ZYX: variants seen among roughly 807,000 people sequenced by gnomAD.
ZYX encodes the protein zyxin-2.
In ZYX, 37 loss-of-function variants were observed where a neutral mutation model predicts 58.1. That is an observed-to-expected ratio of 0.64 (90% CI 0.49 to 0.84). The LOEUF (loss-of-function observed/expected upper bound fraction) is 0.84, where lower values mean the gene tolerates loss of function less well. ZYX is among the 40% of genes least tolerant of loss of function. The pLI is 0.00. For synonymous variants in ZYX, 324 were observed against 321.1 expected (o/e 1.01, Z -0.10); for missense variants, 762 against 761.6 (o/e 1.00, Z -0.01).
In ZYX at chr7:143,382,971, T is replaced by TCAGCCC. The variant is rs754385562; in HGVS notation, c.685_690dup (p.Gln229_Pro230dup). 2.4e-5 allele frequency: 39 copies of TCAGCCC among 1,613,596 alleles called. No individual in the cohort carries two copies. Among genetic ancestry groups the TCAGCCC allele is most frequent in the Middle Eastern group, 3.3e-4 (2 of 6,058 alleles). On this transcript the variant is annotated inframe_insertion, in exon 5 of 10. Transcript: ENST00000322764. ...CTCAGAGCCAGACACAGTTCCATGT[T>TCAGCCC]CAGCCCCAGCCCCAGCCCAAGCCTC...
chr7:143,383,527 G>C (rs1453816482), intron 5 of ZYX, among the ~76,000 whole-genome samples: 1 of 152,178 alleles, frequency 6.6e-6, no homozygotes, highest in Non-Finnish European at 1.5e-5. Flanking sequence ...GCCTGGCTGG[G>C]TGTGGGGCTG....
rs748402739 is a variant in ZYX, at chr7:143,381,561, C to T, written c.-11C>T. 4.4e-6 allele frequency: 7 copies of T among 1,608,298 alleles called. No homozygotes were observed. The highest frequency in any genetic ancestry group is 5.9e-6 in the Non-Finnish European group (7 of 1,177,864). On this transcript the variant is annotated 5_prime_UTR_variant, in exon 2 of 10. Transcript: ENST00000322764. ...TAACCCGGCGACCCACCCCAGCAGC[C>T]CGGCCCGGCCATGGCGGCCCCCCGC...
chr7:143,382,159 T>C, intron 2 of ZYX, 89 bp from the exon 3 acceptor site: 2 of 1,125,848 alleles, frequency 1.8e-6, no homozygotes, highest in Non-Finnish European at 2.5e-6. Context: ...GAGAGAGTTC[T>C]TGGGTTAGGG....
Position 143,381,576 on chromosome 7 carries a change from C to A in ZYX, c.5C>A (p.Ala2Glu), listed in dbSNP as rs775544608. The change falls in exon 2 of 10, where the codon GCG (alanine) becomes GAG (glutamate). Residue 2 changes from alanine (A) to glutamate (E), a missense_variant. Coordinates refer to ENST00000322764, the MANE Select transcript of ZYX (RefSeq NM_003461.5). Reference sequence around the variant, plus strand: ...CCCCAGCAGCCCGGCCCGGCCATGGCGGCCCCCCGCCCGTCTCCCGCGATC... The same window carrying A: ...CCCCAGCAGCCCGGCCCGGCCATGGAGGCCCCCCGCCCGTCTCCCGCGATC... M[A>E]APRPSPAISV... is the part of the protein sequence containing the mutation. 27 of 1,609,614 alleles carry A rather than the reference C, an allele frequency of 1.7e-5. No homozygotes were observed. Among genetic ancestry groups the A allele is most frequent in the Non-Finnish European group, 2.1e-5 (25 of 1,178,462 alleles).
rs1586573491 is a variant in ZYX, at chr7:143,390,257, G to T, written c.1614+280G>T. On this transcript the variant is annotated intron_variant, in intron 9 of 9. Coordinates refer to ENST00000322764, the MANE Select transcript of ZYX (RefSeq NM_003461.5). This position sits in a 1 kb window ranked among gnomAD's most constrained non-coding sequence, Gnocchi z 4.3. ...GGGCATGGTGTTTTACCGTGGTAGG[G>T]GATGGGGAAACAGGAGCTGAGAGAA... 5.5e-6 allele frequency: 3 copies of T among 545,010 alleles called. No homozygotes were observed. The East Asian group carries it at 9.6e-5, about 17-fold the overall frequency. 33.8% of individuals were successfully genotyped at this position (545,010 alleles called of 1,614,324 possible).
rs1586563502 is a variant in ZYX, at chr7:143,383,210, C to T, written c.911C>T (p.Ala304Val). 5 of 1,614,174 alleles carry T rather than the reference C, an allele frequency of 3.1e-6. No homozygotes were observed. The highest frequency in any genetic ancestry group is 4.2e-6 in the Non-Finnish European group (5 of 1,180,040). ...QKLGHPEALS[A>V]GTGSPQPPSF... Reference sequence around the variant, plus strand: ...TTGGGGCACCCCGAAGCTCTTTCTGCTGGCACAGGCTCCCCTCAACCTCCC... The same window carrying T: ...TTGGGGCACCCCGAAGCTCTTTCTGTTGGCACAGGCTCCCCTCAACCTCCC... The change falls in exon 5 of 10, where the codon GCT (alanine) becomes GTT (valine). Residue 304 changes from alanine (A) to valine (V), a missense_variant. By Grantham distance (64) the Ala-to-Val change is moderately conservative. Transcript: ENST00000322764.
In ZYX at chr7:143,391,087, TA is replaced by T. The variant is rs5888100; in HGVS notation, c.*414del. On this transcript the variant is annotated 3_prime_UTR_variant, in exon 10 of 10. Coordinates refer to ENST00000322764, the MANE Select transcript of ZYX (RefSeq NM_003461.5). ...GCCAAGTTGTAGCTATAGCTACAAA[TA>T]AAAAAAAACCTTGTTTTCCAGAATT... 2.6e-4 allele frequency: 80 copies of T among 307,188 alleles called. No individual in the cohort carries two copies. The highest frequency in any genetic ancestry group is 4.9e-4 in the East Asian group (7 of 14,254). 19.0% of individuals were successfully genotyped at this position (307,188 alleles called of 1,614,324 possible).
At position 143,382,938 on chromosome 7, in the gene ZYX, G is replaced by C. The variant is rs543840726; in HGVS notation, c.639G>C (p.Pro213=). 1.2e-6 allele frequency: 2 copies of C among 1,613,998 alleles called. No individual in the cohort carries two copies. Among genetic ancestry groups the C allele is most frequent in the South Asian group, 1.1e-5 (1 of 91,054 alleles). Residue 213 remains proline, a synonymous_variant, in exon 5 of 10, where the codon CCG becomes CCC. Transcript: ENST00000322764. ...PSSSQPLPQV[P]APAQSQTQFH... ...GCTCCCAGCCTCTGCCCCAGGTTCC[G>C]GCTCCGGCTCAGAGCCAGACACAGT...
At position 143,388,349 on chromosome 7, in the gene ZYX, C is replaced by T. The variant is rs1271020375; in HGVS notation, c.1144+10C>T. On this transcript the variant is annotated intron_variant, in intron 6 of 9. Transcript: ENST00000322764. The surrounding 1 kb of genome is among the most constrained non-coding windows in gnomAD (Gnocchi z 7.5). The stretch of plus-strand genomic sequence containing the variant: ...AATGTGGCTGTCAACGGTGAGCCCA[C>T]CCCACCGGGACACCCCCACCCTGCC... 7 of 1,613,458 alleles carry T rather than the reference C, an allele frequency of 4.3e-6. No individual in the cohort carries two copies. The highest frequency in any genetic ancestry group is 5.9e-6 in the Non-Finnish European group (7 of 1,179,704).
intron 1 of ZYX, 22 bp downstream of exon 1, chr7:143,381,431 G>C: frequency 7.9e-7 from 1 of 1,267,816 alleles, no homozygotes; most frequent in Admixed American, 4.3e-5. Flanking sequence ...GGAGCGGCAG[G>C]GCGGCCCCAC....
chr7:143,382,701 G>A lies in ZYX; in HGVS notation c.501+16G>A. The A allele has an allele frequency of 1.9e-6, 3 of 1,614,116 alleles. No individual in the cohort carries two copies. The highest frequency in any genetic ancestry group is 2.5e-6 in the Non-Finnish European group (3 of 1,179,992). ...CAAAGCCCGGGTAAGGGACCGGAGA[G>A]TAGGAAAAGCAGGGCTCAGGGCCAG... On this transcript the variant is annotated intron_variant, in intron 4 of 9. Transcript: ENST00000322764.
chr7:143,384,083 C>T lies in ZYX; in HGVS notation c.1023+761C>T, dbSNP rs1331821696. On this transcript the variant is annotated intron_variant, in intron 5 of 9. Transcript: ENST00000322764. This position sits in a 1 kb window ranked among gnomAD's most constrained non-coding sequence, Gnocchi z 4.9. The stretch of plus-strand genomic sequence containing the variant: ...GCTGTAATTACAAAATGGTTCTTGC[C>T]TTCTAGTTCAGGAAATAAGATCGTC... 4.6e-6 allele frequency: 2 copies of T among 438,144 alleles called. No homozygotes were observed. The highest frequency in any genetic ancestry group is 4.1e-5 in the African/African-American group (2 of 48,732). The allele number at this position is 438,144 out of a possible 1,614,324, so 27.1% of individuals were successfully genotyped here.
At chr7:143,382,119 C>T (rs1804629696) in intron 2 of ZYX, 129 bp from the exon 3 acceptor site, 1 of 820,972 alleles carries the variant, frequency 1.2e-6, no homozygotes, top group Non-Finnish European at 1.9e-6. Flanking sequence ...TGCGCCCCTC[C>T]TTTGCTTCCC....
chr7:143,390,678 C>A lies in ZYX; in HGVS notation c.1715C>A (p.Thr572Asn), dbSNP rs1207617275. 1 of 1,575,974 alleles carries A rather than the reference C, an allele frequency of 6.3e-7. No individual in the cohort carries two copies. The highest frequency in any genetic ancestry group is 1.2e-5 in the South Asian group (1 of 85,808). Residue 572 changes from threonine to asparagine, a missense_variant, in exon 10 of 10, where the codon ACC (threonine) becomes AAC (asparagine). Coordinates refer to ENST00000322764, the MANE Select transcript of ZYX (RefSeq NM_003461.5). This position sits in a 1 kb window ranked among gnomAD's most constrained non-coding sequence, Gnocchi z 4.3. Reference sequence around the variant, plus strand: ...AAGTGCCACACTGCTAGAGCCCAGACCTGAGTGAGGACAGGCCCTCTTCAG... The same window carrying A: ...AAGTGCCACACTGCTAGAGCCCAGAACTGAGTGAGGACAGGCCCTCTTCAG... ...CRKCHTARAQT is the reference protein window; with the variant it reads ...CRKCHTARAQN
chr7:143,385,078 A>G (rs1031322107), intron 5 of ZYX, among the ~76,000 whole-genome samples: 1 of 152,104 alleles, frequency 6.6e-6, no homozygotes, highest in African/African-American at 2.4e-5. Context: ...AAGAGTCAGG[A>G]GGAGAGTCAG....
At position 143,382,908 on chromosome 7, in the gene ZYX, T is replaced by A. The variant is rs1320013107; in HGVS notation, c.609T>A (p.Pro203=). Residue 203 remains proline (P), a synonymous_variant, in exon 5 of 10, where the codon CCT becomes CCA. Transcript: ENST00000322764. The part of the protein sequence containing the change: ...GTAPLPPWKS[P]SSSQPLPQVP... Reference sequence around the variant, plus strand: ...CACCCCTGCCTCCTTGGAAGTCCCCTTCCAGCTCCCAGCCTCTGCCCCAGG... The same window carrying A: ...CACCCCTGCCTCCTTGGAAGTCCCCATCCAGCTCCCAGCCTCTGCCCCAGG... The A allele has an allele frequency of 2.5e-6, 4 of 1,613,994 alleles. No homozygotes were observed. The highest frequency in any genetic ancestry group is 3.4e-6 in the Non-Finnish European group (4 of 1,179,964).
rs1047798348 is a variant in ZYX at position 143,389,748 on chromosome 7, G to T, written c.1494-109G>T. The T allele has an allele frequency of 3.4e-6, 5 of 1,490,760 alleles. No individual in the cohort carries two copies. The highest frequency in any genetic ancestry group is 1.4e-5 in the African/African-American group (1 of 72,434). The allele number at this position is 1,490,760 out of a possible 1,614,324, so 92.3% of individuals were successfully genotyped here. A position where few individuals can be genotyped will look rare whatever the true frequency, so the allele number is the denominator to read the frequency against. ...TTCTGGTGAGCTTCCTTCACCTGGA[G>T]ATGCAGGGCAGAGAAGTCTGCTTCC... is the stretch of plus-strand genomic sequence containing the variant. On this transcript the variant is annotated intron_variant, in intron 8 of 9. Transcript: ENST00000322764. The surrounding 1 kb of genome is among the most constrained non-coding windows in gnomAD (Gnocchi z 5.6).
rs1805007560 is a variant in ZYX at position 143,389,885 on chromosome 7, T to C, written c.1522T>C (p.Ser508Pro). Residue 508 changes from serine to proline, a missense_variant, in exon 9 of 10, where the codon TCT becomes CCT. Transcript: ENST00000322764. This position sits in a 1 kb window ranked among gnomAD's most constrained non-coding sequence, Gnocchi z 5.6. ...KQYAPRCSVC[S>P]EPIMPEPGRD... Reference sequence around the variant, plus strand: ...GTACGCCCCGAGGTGCTCCGTCTGCTCTGAGCCCATCATGCCTGAGCCTGG... The same window carrying C: ...GTACGCCCCGAGGTGCTCCGTCTGCCCTGAGCCCATCATGCCTGAGCCTGG... The C allele has an allele frequency of 6.2e-7, 1 of 1,614,016 alleles. No individual in the cohort carries two copies. The highest frequency in any genetic ancestry group is 1.3e-5 in the African/African-American group (1 of 74,922).
rs1005554061 is a variant in ZYX at position 143,387,180 on chromosome 7, T to C, written c.1024-1039T>C. On this transcript the variant is annotated intron_variant, in intron 5 of 9. Transcript: ENST00000322764. This position sits in a 1 kb window ranked among gnomAD's most constrained non-coding sequence, Gnocchi z 5.8. ...GGGAAAATGGCTAAGATCTGGAGAGTTGGACTTATATGGACGCATGCTTCA... is the reference window on the plus strand; with the variant it reads ...GGGAAAATGGCTAAGATCTGGAGAGCTGGACTTATATGGACGCATGCTTCA... 6.6e-6 allele frequency among the ~76,000 whole-genome samples: 1 copy of C among 151,164 alleles called. No individual in the cohort carries two copies. Among genetic ancestry groups the C allele is most frequent in the Non-Finnish European group, 1.5e-5 (1 of 67,766 alleles).
Sources: gnomAD v4.1 joint callset for allele counts (sites outside exome capture counted in the v4.1 genomes callset) on GRCh38, gnomAD v4.1.1 for gene constraint, Gnocchi (gnomAD v3.1) non-coding constraint, MANE v1.5 for transcripts, NCBI Gene and HGNC (gene_info 2026-07-23, HGNC 2026-07-21) for gene names.